FRMD8: variants seen among roughly 807,000 people sequenced by gnomAD.
FRMD8 encodes the protein FERM domain-containing protein 8.
Under a neutral mutation model 54.2 loss-of-function variants are expected in FRMD8, and 37 were observed. That is an observed-to-expected ratio of 0.68 (90% CI 0.53 to 0.90). The LOEUF (loss-of-function observed/expected upper bound fraction) is 0.90, where lower values mean the gene tolerates loss of function less well. Among genes scored for constraint, FRMD8 ranks in the 40% least tolerant of loss-of-function variants. The probability of loss-of-function intolerance (pLI) is 0.00; values close to 1 mark genes in which losing one functional copy is unlikely to be tolerated. For missense variants in FRMD8, 585 were observed against 653.7 expected (o/e 0.89, Z 1.15); for synonymous variants, 246 against 286.9 (o/e 0.86, Z 1.44).
chr11:65,379,573 C>T, the FRMD8 span: 1 of 1,598,284 alleles, frequency 6.3e-7, no homozygotes, highest in Admixed American at 1.7e-5. Context: ...TGCAGAGAGA[C>T]ACAGTGGCAG....
At position 65,404,733 on chromosome 11, in the gene FRMD8, GCTCC is replaced by G; in HGVS notation, c.1072-122_1072-119del. ...AGTGGGACACCTCCCCTGCCTCCCT[GCTCC>G]CTCCCTCCTGAGTGATGTGTGTCCC... On this transcript the variant is annotated intron_variant, in intron 9 of 10. Coordinates refer to ENST00000317568, the MANE Select transcript of FRMD8 (RefSeq NM_031904.5). This position sits in a 1 kb window ranked among gnomAD's most constrained non-coding sequence, Gnocchi z 4.7. 1.4e-6 allele frequency: 1 copy of G among 733,102 alleles called. No individual in the cohort carries two copies. The highest frequency in any genetic ancestry group is 1.8e-5 in the South Asian group (1 of 54,912). 45.4% of individuals were successfully genotyped at this position (733,102 alleles called of 1,614,324 possible).
intron 10 of FRMD8, among the ~76,000 whole-genome samples, chr11:65,409,968 G>A (rs11602839): frequency 0.095 from 14,498 of 151,834 alleles, 908 homozygotes; most frequent in South Asian, 0.28. Flanking sequence ...CAGCTATTGG[G>A]GATGCTGAAG....
intron 2 of FRMD8, among the ~76,000 whole-genome samples, chr11:65,388,696 G>C (rs538576107): frequency 6.6e-6 from 1 of 152,296 alleles, no homozygotes; most frequent in South Asian, 2.1e-4. Flanking sequence ...TATTTGGGCT[G>C]TTCTTCCCTA....
In FRMD8 at chr11:65,400,890, A is replaced by C; in HGVS notation, c.1071+23A>C. On this transcript the variant is annotated intron_variant, in intron 9 of 10. Coordinates refer to ENST00000317568, the MANE Select transcript of FRMD8 (RefSeq NM_031904.5). This position sits in a 1 kb window ranked among gnomAD's most constrained non-coding sequence, Gnocchi z 4.3. ...CAGGTAGCGCGGGTGGTGCCTGCAC[A>C]CGGGTGGGGAGGCTGGGCCCAGGTG... is the stretch of plus-strand genomic sequence containing the variant. The C allele has an allele frequency of 6.4e-7, 1 of 1,574,244 alleles. No individual in the cohort carries two copies. The highest frequency in any genetic ancestry group is 1.2e-5 in the South Asian group (1 of 84,926).
At chr11:65,389,746 G>A (rs2137865797) in intron 3 of FRMD8, among the ~76,000 whole-genome samples, 1 of 152,278 alleles carries the variant, frequency 6.6e-6, no homozygotes, top group African/African-American at 2.4e-5. Flanking sequence ...TTCTGCTGGT[G>A]GTGGAGGAGT....
Position 65,412,137 on chromosome 11 carries a change from T to C in FRMD8, c.*777T>C, listed in dbSNP as rs1856347453. On this transcript the variant is annotated 3_prime_UTR_variant, in exon 11 of 11. Coordinates refer to ENST00000317568, the MANE Select transcript of FRMD8 (RefSeq NM_031904.5). ...TGATGTCACTGCTGGGAGGTGGCTA[T>C]CCTGTGGACCACCTGGCCTCCAGAC... 1 of 152,200 alleles carries C rather than the reference T, an allele frequency of 6.6e-6. No homozygotes were observed. The highest frequency in any genetic ancestry group is 1.5e-5 in the Non-Finnish European group (1 of 68,056). 9.4% of individuals were successfully genotyped at this position (152,200 alleles called of 1,614,324 possible). A position where few individuals can be genotyped will look rare whatever the true frequency, so the allele number is the denominator to read the frequency against.
chr11:65,375,040 C>T, the FRMD8 span, among the ~76,000 whole-genome samples: 1 of 151,994 alleles, frequency 6.6e-6, no homozygotes, highest in Non-Finnish European at 1.5e-5. Context: ...AGCAGACAGA[C>T]CCCCAGCTCC....
intron 10 of FRMD8, 93 bp from the exon 11 acceptor site, chr11:65,411,149 G>A (rs2957274): frequency 0.98 from 999,242 of 1,017,044 alleles, 492,904 homozygotes; most frequent in East Asian, 1. Context: ...GGAAGGAGCC[G>A]TCGCGCTGGA....
At chr11:65,394,885 G>A (rs1488129057) in intron 6 of FRMD8, among the ~76,000 whole-genome samples, 2 of 152,382 alleles carry the variant, frequency 1.3e-5, no homozygotes, top group African/African-American at 4.8e-5. Context: ...CGAGGATTGA[G>A]TCTGCCCTGC....
At chr11:65,376,557 G>C in the FRMD8 span, 1 of 1,614,144 alleles carries the variant, frequency 6.2e-7, no homozygotes, top group Non-Finnish European at 8.5e-7. Context: ...GCATCCCCTG[G>C]TACACTCTGC....
At position 65,394,333 on chromosome 11, in the gene FRMD8, C is replaced by G; in HGVS notation, c.489C>G (p.Cys163Trp). 2 of 1,585,464 alleles carry G rather than the reference C, an allele frequency of 1.3e-6. No individual in the cohort carries two copies. The highest frequency in any genetic ancestry group is 1.7e-6 in the Non-Finnish European group (2 of 1,166,242). The change falls in exon 6 of 11, where the codon TGC becomes TGG. Residue 163 changes from cysteine to tryptophan, a missense_variant. Transcript: ENST00000317568. ...KGNVLAARYPCDVEDCEALGA... is the reference protein window; with the variant it reads ...KGNVLAARYPWDVEDCEALGA... Reference sequence around the variant, plus strand: ...ACGTGCTGGCTGCACGGTACCCGTGCGACGTGGAGGACTGCGAGGCTCTGG... The same window carrying G: ...ACGTGCTGGCTGCACGGTACCCGTGGGACGTGGAGGACTGCGAGGCTCTGG...
At chr11:65,382,055 C>T (rs145716200), upstream of FRMD8, 5 of 1,040,644 alleles carry the variant, frequency 4.8e-6, no homozygotes, top group South Asian at 5.1e-5. The surrounding 1 kb of genome is among the most constrained non-coding windows in gnomAD (Gnocchi z 4.4). Flanking sequence ...TAATGTTTAA[C>T]CCTGGCGGGA....
At chr11:65,387,296 T>C in intron 2 of FRMD8, 175 bp downstream of exon 2, 1 of 710,790 alleles carries the variant, frequency 1.4e-6, no homozygotes, top group Admixed American at 2.0e-5. Context: ...ACTAGTTTAC[T>C]GGCCAGGTTG....
At chr11:65,374,984 G>GAGAA in the FRMD8 span, among the ~76,000 whole-genome samples, 1 of 150,358 alleles carries the variant, frequency 6.7e-6, no homozygotes, top group South Asian at 2.1e-4. Flanking sequence ...AGAAAAAATA[G>GAGAA]AGAAAAAGAA....
chr11:65,368,761 C>T, the FRMD8 span, among the ~76,000 whole-genome samples: 1 of 152,040 alleles, frequency 6.6e-6, no homozygotes, highest in South Asian at 2.1e-4. Flanking sequence ...GACAGGGTTT[C>T]ACCATGTTAG....
chr11:65,405,107 C>A (rs1456051763), intron 10 of FRMD8, 39 bp downstream of exon 10: 3 of 1,583,102 alleles, frequency 1.9e-6, no homozygotes, highest in Non-Finnish European at 2.6e-6. Context: ...CACAAACACG[C>A]ATGCGCGTGC....
upstream of FRMD8, chr11:65,381,847 C>T (rs1419202164): frequency 3.7e-6 from 6 of 1,600,366 alleles, no homozygotes; most frequent in Admixed American, 1.7e-5. Context: ...CCTCCCATGT[C>T]ACCCATCTTC....
rs988405470 is a variant in FRMD8 at position 65,413,215 on chromosome 11, C to T, written c.*1855C>T. 23 of 152,316 alleles carry T rather than the reference C, an allele frequency of 1.5e-4. No homozygotes were observed. The highest frequency in any genetic ancestry group is 5.3e-4 in the African/African-American group (22 of 41,542). 9.4% of individuals were successfully genotyped at this position (152,316 alleles called of 1,614,324 possible). A position where few individuals can be genotyped will look rare whatever the true frequency, so the allele number is the denominator to read the frequency against. ...TGTTGGTCAGGCTGGTCGTGAACTC[C>T]TGACCTCATGATCTGCCCGCCTCAA... is the stretch of plus-strand genomic sequence containing the variant. On this transcript the variant is annotated 3_prime_UTR_variant, in exon 11 of 11. Coordinates refer to ENST00000317568, the MANE Select transcript of FRMD8 (RefSeq NM_031904.5).
At chr11:65,396,689 G>A in intron 6 of FRMD8, 110 bp from the exon 7 acceptor site, 1 of 635,416 alleles carries the variant, frequency 1.6e-6, no homozygotes, top group Non-Finnish European at 2.5e-6. Flanking sequence ...CCTCTGACTT[G>A]GAAGTAGATG....
Sources: allele counts gnomAD v4.1 joint callset (sites outside exome capture counted in the v4.1 genomes callset), GRCh38; gene constraint gnomAD v4.1.1; non-coding constraint Gnocchi (gnomAD v3.1); transcripts MANE v1.5; gene names NCBI Gene and HGNC (gene_info 2026-07-23, HGNC 2026-07-21).